Variants in HSD17B4 observed in about 807,000 individuals in gnomAD.
The protein encoded by HSD17B4 is peroxisomal multifunctional enzyme type 2.
A neutral mutation model predicts 101.0 loss-of-function variants in HSD17B4; 70 were observed. The ratio of observed to expected loss-of-function variants is 0.69; its 90% CI spans 0.57 to 0.85. The LOEUF (loss-of-function observed/expected upper bound fraction) is 0.85, where lower values mean the gene tolerates loss of function less well. Ranked by LOEUF, HSD17B4 falls within the 40% of genes least tolerant of loss-of-function variation. The probability of loss-of-function intolerance (pLI) is 0.00; values close to 1 mark genes in which losing one functional copy is unlikely to be tolerated. For missense variants in HSD17B4, 984 were observed against 892.4 expected, an observed-to-expected ratio of 1.10 and a Z score of -1.31; for synonymous variants, 347 against 297.1, an observed-to-expected ratio of 1.17 and a Z score of -1.73.
Position 119,478,848 on chromosome 5 carries a change from C to T in HSD17B4, c.449C>T (p.Ser150Leu). 6.2e-7 allele frequency: 1 copy of T among 1,612,994 alleles called. No individual in the cohort carries two copies. The highest frequency in any genetic ancestry group is 8.5e-7 in the Non-Finnish European group (1 of 1,179,194). ...KQKYGRIIMT[S>L]SASGIYGNFG... is the part of the protein sequence containing the mutation. ...TTTCTTTTTAGGATTATTATGACTT[C>T]ATCAGCTTCAGGAATATATGGCAAC... The change falls in exon 8 of 24, where the codon TCA (serine) becomes TTA (leucine). Residue 150 changes from serine to leucine, a missense_variant. By Grantham distance (145) the Ser-to-Leu change is moderately radical (BLOSUM62 -2). Coordinates refer to ENST00000510025, the MANE Select transcript of HSD17B4 (RefSeq NM_000414.4).
chr5:119,534,184 T>C (rs914516453), intron 22 of HSD17B4, among the ~76,000 whole-genome samples: 1 of 152,118 alleles, frequency 6.6e-6, no homozygotes, highest in Non-Finnish European at 1.5e-5. Context: ...TTTCACATGT[T>C]TGTAATCATT....
intron 9 of HSD17B4, among the ~76,000 whole-genome samples, chr5:119,490,901 C>T (rs1228842445): frequency 6.6e-6 from 1 of 152,154 alleles, no homozygotes; most frequent in Non-Finnish European, 1.5e-5. Context: ...AACACACAGA[C>T]AATTAGGATA....
chr5:119,465,908 T>TA (rs1397878292), intron 2 of HSD17B4, among the ~76,000 whole-genome samples: 2 of 152,232 alleles, frequency 1.3e-5, no homozygotes, highest in African/African-American at 4.8e-5. Flanking sequence ...TTCCAGTTTT[T>TA]AGAGGAGAAG....
At chr5:119,522,865 T>A (rs1753240192) in intron 17 of HSD17B4, among the ~76,000 whole-genome samples, 1 of 152,204 alleles carries the variant, frequency 6.6e-6, no homozygotes, top group African/African-American at 2.4e-5. Flanking sequence ...TAGTCAGTGC[T>A]GTAATCTTCC....
intron 21 of HSD17B4, 100 bp downstream of exon 21, chr5:119,530,080 A>G (rs547469762): frequency 1.0e-5 from 8 of 769,032 alleles, no homozygotes; most frequent in Admixed American, 3.6e-5. Context: ...ATTAACAACC[A>G]TGAAACTATT....
chr5:119,530,905 A>G (rs1754040414), intron 21 of HSD17B4, among the ~76,000 whole-genome samples: 1 of 150,742 alleles, frequency 6.6e-6, no homozygotes, highest in African/African-American at 2.4e-5. Flanking sequence ...TTAGAGCTGT[A>G]AAGAAATTCA....
At chr5:119,499,132 G>C (rs1289191334) in intron 12 of HSD17B4, among the ~76,000 whole-genome samples, 185 bp from the exon 13 acceptor site, 3 of 152,058 alleles carry the variant, frequency 2.0e-5, no homozygotes, top group Non-Finnish European at 2.9e-5. Flanking sequence ...TGTAAATGAA[G>C]TCCTTTTCTA....
At chr5:119,520,065 G>C (rs1295909419) in intron 17 of HSD17B4, among the ~76,000 whole-genome samples, 3 of 151,794 alleles carry the variant, frequency 2.0e-5, no homozygotes, top group African/African-American at 7.3e-5. Flanking sequence ...GATTATTTGT[G>C]GGTGAAAGTT....
intron 2 of HSD17B4, among the ~76,000 whole-genome samples, chr5:119,464,982 A>G (rs539221500): frequency 2.1e-4 from 31 of 148,414 alleles, no homozygotes; most frequent in African/African-American, 7.2e-4. Flanking sequence ...TGCTTTGGTT[A>G]TTTGGGATCT....
chr5:119,494,170 T>G (rs1217950366), intron 11 of HSD17B4, among the ~76,000 whole-genome samples: 1 of 152,180 alleles, frequency 6.6e-6, no homozygotes, highest in Non-Finnish European at 1.5e-5. Context: ...TTTTTTGGGT[T>G]TATGTGTGAT....
intron 16 of HSD17B4, among the ~76,000 whole-genome samples, chr5:119,514,305 C>G (rs1056266341): frequency 6.6e-6 from 1 of 152,106 alleles, no homozygotes; most frequent in Non-Finnish European, 1.5e-5. Flanking sequence ...TTTCTTAACT[C>G]TCTGAAAGGA....
chr5:119,537,398 C>G (rs899392679), intron 23 of HSD17B4, among the ~76,000 whole-genome samples: 3 of 152,038 alleles, frequency 2.0e-5, no homozygotes, highest in African/African-American at 7.2e-5. Context: ...TTAATGTTTA[C>G]AAGGCTTATT....
At chr5:119,541,665 G>T (rs1004462818) in intron 23 of HSD17B4, among the ~76,000 whole-genome samples, 1 of 152,064 alleles carries the variant, frequency 6.6e-6, no homozygotes, top group African/African-American at 2.4e-5. Context: ...AGATCCATGA[G>T]TTCAGATAAA....
intron 3 of HSD17B4, 129 bp downstream of exon 3, chr5:119,474,144 C>G (rs942968013): frequency 3.7e-5 from 26 of 701,632 alleles, no homozygotes; most frequent in Non-Finnish European, 5.6e-5. Flanking sequence ...CCAAAGTTTT[C>G]TGACTACATA....
chr5:119,475,635 A>G (rs1748509119), intron 4 of HSD17B4, 71 bp from the exon 5 acceptor site: 2 of 1,210,240 alleles, frequency 1.7e-6, no homozygotes, highest in East Asian at 2.3e-5. Flanking sequence ...TTTGAGAGAA[A>G]TGTGAGTTGT....
chr5:119,504,577 C>G (rs1022719641), intron 14 of HSD17B4, among the ~76,000 whole-genome samples: 2 of 152,078 alleles, frequency 1.3e-5, no homozygotes, highest in Non-Finnish European at 2.9e-5. Flanking sequence ...ACTTGTGTGT[C>G]TTCTTTTGAG....
chr5:119,522,561 T>C (rs1353281986), intron 17 of HSD17B4, among the ~76,000 whole-genome samples: 1 of 152,156 alleles, frequency 6.6e-6, no homozygotes, highest in Non-Finnish European at 1.5e-5. Flanking sequence ...CTCTGTGCGT[T>C]TTGTGGTTTG....
intron 13 of HSD17B4, among the ~76,000 whole-genome samples, chr5:119,500,300 A>G (rs1485151281): frequency 2.0e-5 from 3 of 151,894 alleles, no homozygotes; most frequent in Non-Finnish European, 4.4e-5. Context: ...TGGGATATGT[A>G]TATATATATA....
intron 6 of HSD17B4, 33 bp from the exon 7 acceptor site, chr5:119,477,384 A>G (rs1338529142): frequency 1.4e-6 from 2 of 1,458,336 alleles, no homozygotes; most frequent in Non-Finnish European, 9.5e-7. Context: ...AAGTTTTTAC[A>G]AAATATTTAA....
Sources: allele counts gnomAD v4.1 joint callset (sites outside exome capture counted in the v4.1 genomes callset), GRCh38; gene constraint gnomAD v4.1.1; transcripts MANE v1.5; gene names NCBI Gene and HGNC (gene_info 2026-07-23, HGNC 2026-07-21).